PRKN: variants seen among roughly 807,000 people sequenced by gnomAD.
PRKN encodes E3 ubiquitin-protein ligase parkin.
A neutral mutation model predicts 59.5 loss-of-function variants in PRKN; 56 were observed. The ratio of observed to expected loss-of-function variants is 0.94; its 90% confidence interval spans 0.76 to 1.18. The LOEUF (loss-of-function observed/expected upper bound fraction) is 1.18. Ranked by LOEUF, PRKN falls within the 50% of genes most tolerant of loss-of-function variation. The pLI, the probability that PRKN is intolerant of heterozygous loss-of-function variation, is 0.00. For missense variants in PRKN, 657 were observed against 596.4 expected, an observed-to-expected ratio of 1.10 and a Z score of -1.06; for synonymous variants, 250 against 222.1, an observed-to-expected ratio of 1.13 and a Z score of -1.12.
intron 6 of PRKN, among the ~76,000 whole-genome samples, chr6:161,971,279 G>A (rs1223786403): frequency 1.3e-5 from 2 of 152,178 alleles, no homozygotes; most frequent in Non-Finnish European, 2.9e-5. Flanking sequence ...AGCAGGAAAC[G>A]GGGAGGGCAA....
At chr6:162,629,766 A>G (rs1015879961) in intron 1 of PRKN, among the ~76,000 whole-genome samples, 4 of 152,162 alleles carry the variant, frequency 2.6e-5, no homozygotes, top group African/African-American at 7.2e-5. Flanking sequence ...CTAATTTGGG[A>G]CATGTGCTTT....
At chr6:162,723,563 G>T (rs907394625) in intron 1 of PRKN, among the ~76,000 whole-genome samples, 1 of 152,174 alleles carries the variant, frequency 6.6e-6, no homozygotes, top group Non-Finnish European at 1.5e-5. Context: ...CAGCCCAGAG[G>T]GGCAGGGCAG....
At chr6:161,914,583 T>C (rs1778485270) in intron 6 of PRKN, among the ~76,000 whole-genome samples, 1 of 152,116 alleles carries the variant, frequency 6.6e-6, no homozygotes, top group East Asian at 1.9e-4. Flanking sequence ...AAATGCTTCA[T>C]AGTCCTTTGT....
chr6:162,721,379 T>G (rs1035103469), intron 1 of PRKN, among the ~76,000 whole-genome samples: 1 of 152,230 alleles, frequency 6.6e-6, no homozygotes, highest in Admixed American at 6.5e-5. Context: ...GACATCTTTC[T>G]AAAATACAAC....
At chr6:162,499,200 C>T (rs1793245587) in intron 1 of PRKN, among the ~76,000 whole-genome samples, 2 of 152,132 alleles carry the variant, frequency 1.3e-5, no homozygotes, top group African/African-American at 4.8e-5. Context: ...GTTTCACACC[C>T]TCCATGCCTC....
intron 3 of PRKN, among the ~76,000 whole-genome samples, chr6:162,254,098 T>C (rs1226694464): frequency 2.0e-5 from 3 of 152,160 alleles, no homozygotes; most frequent in Admixed American, 1.3e-4. Context: ...ATACACACTT[T>C]CTTCTTGCAG....
intron 3 of PRKN, among the ~76,000 whole-genome samples, chr6:162,224,184 A>G (rs752638127): frequency 6.6e-6 from 1 of 152,150 alleles, no homozygotes; most frequent in African/African-American, 2.4e-5. Context: ...ATATAGATAC[A>G]CTGAGTTTAC....
chr6:161,974,486 A>G (rs1272341098), intron 5 of PRKN, among the ~76,000 whole-genome samples: 1 of 152,072 alleles, frequency 6.6e-6, no homozygotes, highest in Non-Finnish European at 1.5e-5. Context: ...TTGATTGATA[A>G]TATTCTCCCT....
At chr6:161,948,279 G>A (rs9346891) in intron 6 of PRKN, among the ~76,000 whole-genome samples, 32,725 of 151,860 alleles carry the variant, frequency 0.22, 4,009 homozygotes, top group African/African-American at 0.34. Flanking sequence ...GAGCCACCGC[G>A]CCCGGTTGAG....
chr6:161,656,297 A>T (rs1032418797), intron 7 of PRKN, among the ~76,000 whole-genome samples: 8 of 152,112 alleles, frequency 5.3e-5, no homozygotes, highest in Admixed American at 4.6e-4. Context: ...TCTGCCATCC[A>T]TCCGCGCCTC....
intron 7 of PRKN, among the ~76,000 whole-genome samples, chr6:161,715,610 T>C (rs1168070912): frequency 1.3e-5 from 2 of 152,328 alleles, no homozygotes; most frequent in East Asian, 3.9e-4. Flanking sequence ...AAAACTGACA[T>C]TGTTCCTTCT....
intron 7 of PRKN, among the ~76,000 whole-genome samples, chr6:161,739,389 C>T (rs1788098996): frequency 6.6e-6 from 1 of 152,094 alleles, no homozygotes; most frequent in Non-Finnish European, 1.5e-5. Context: ...GCCTGGGCGA[C>T]AGCGAGACTA....
At chr6:161,738,590 G>A (rs779927978) in intron 7 of PRKN, among the ~76,000 whole-genome samples, 3 of 152,180 alleles carry the variant, frequency 2.0e-5, no homozygotes, top group African/African-American at 4.8e-5. Flanking sequence ...TCCCACACAC[G>A]CAGATGCTGG....
At chr6:162,372,760 A>C (rs1263381683) in intron 2 of PRKN, among the ~76,000 whole-genome samples, 2 of 152,194 alleles carry the variant, frequency 1.3e-5, no homozygotes, top group African/African-American at 4.8e-5. Flanking sequence ...TGAATAAATA[A>C]AATTTTTTAA....
intron 6 of PRKN, among the ~76,000 whole-genome samples, chr6:161,863,635 T>A (rs1301578147): frequency 6.6e-6 from 1 of 152,150 alleles, no homozygotes; most frequent in African/African-American, 2.4e-5. Flanking sequence ...ACCATACACC[T>A]GGGCAAGGGG....
At chr6:161,918,424 T>C (rs2128238497) in intron 6 of PRKN, among the ~76,000 whole-genome samples, 1 of 152,308 alleles carries the variant, frequency 6.6e-6, no homozygotes, top group South Asian at 2.1e-4. Flanking sequence ...CTCTACCTCT[T>C]ATGAGGCTTA....
chr6:162,594,117 T>C (rs1781408637), intron 1 of PRKN, among the ~76,000 whole-genome samples: 1 of 151,926 alleles, frequency 6.6e-6, no homozygotes, highest in Non-Finnish European at 1.5e-5. Flanking sequence ...ACCACTGCAC[T>C]CCAGCCTGGG....
chr6:162,574,748 C>T (rs1021815265), intron 1 of PRKN, among the ~76,000 whole-genome samples: 3 of 139,478 alleles, frequency 2.2e-5, no homozygotes, highest in African/African-American at 8.1e-5. Flanking sequence ...TCTTCAACAG[C>T]AGTGAATGAT....
intron 10 of PRKN, among the ~76,000 whole-genome samples, chr6:161,367,980 C>G (rs996222432): frequency 1.3e-5 from 2 of 152,068 alleles, no homozygotes; most frequent in Non-Finnish European, 2.9e-5. Context: ...ATCGGAGCCC[C>G]GAGCTGCCTG....
Sources: allele counts gnomAD v4.1 joint callset (sites outside exome capture counted in the v4.1 genomes callset), GRCh38; gene constraint gnomAD v4.1.1; transcripts MANE v1.5; gene names NCBI Gene and HGNC (gene_info 2026-07-23, HGNC 2026-07-21).